Variants in TMEM68 observed in about 807,000 individuals in gnomAD.
TMEM68 encodes the protein transmembrane protein 68.
TMEM68 carries 25 observed loss-of-function variants against 36.9 expected under a neutral mutation model. The ratio of observed to expected loss-of-function variants is 0.68; its 90% CI spans 0.49 to 0.95. The LOEUF (loss-of-function observed/expected upper bound fraction) is 0.95, where lower values mean the gene tolerates loss of function less well. TMEM68 is among the 40% of genes least tolerant of loss of function. The probability of loss-of-function intolerance (pLI) is 0.00; values close to 1 mark genes in which losing one functional copy is unlikely to be tolerated. For synonymous variants in TMEM68, 131 were observed against 124.4 expected (o/e 1.05, Z -0.35); for missense variants, 333 against 392.0 (o/e 0.85, Z 1.27).
chr8:55,764,415 T>C (rs1563438480), intron 1 of TMEM68, among the ~76,000 whole-genome samples: 1 of 152,248 alleles, frequency 6.6e-6, no homozygotes, highest in East Asian at 1.9e-4. Flanking sequence ...ACTTTGATTG[T>C]ATTCTTAGAA....
At chr8:55,743,306 G>A (rs1324722405) in intron 7 of TMEM68, among the ~76,000 whole-genome samples, 175 bp downstream of exon 7, 2 of 152,090 alleles carry the variant, frequency 1.3e-5, no homozygotes, top group Non-Finnish European at 2.9e-5. Context: ...CCTGCCTGTA[G>A]TGACAATAAG....
intron 1 of TMEM68, among the ~76,000 whole-genome samples, chr8:55,771,063 A>G (rs1811140363): frequency 6.6e-6 from 1 of 151,582 alleles, no homozygotes; most frequent in Non-Finnish European, 1.5e-5. Context: ...GCTGAGGCAG[A>G]AAATCGCTTG....
intron 1 of TMEM68, among the ~76,000 whole-genome samples, chr8:55,767,049 T>C (rs1389390200): frequency 6.9e-6 from 1 of 145,158 alleles, no homozygotes; most frequent in African/African-American, 2.6e-5. Context: ...TCTTCATTTG[T>C]AAAATAAAAA....
chr8:55,751,221 A>T (rs1195729171), intron 4 of TMEM68, 64 bp from the exon 5 acceptor site: 3 of 1,416,626 alleles, frequency 2.1e-6, no homozygotes, highest in Middle Eastern at 1.8e-4. Flanking sequence ...TCAAAAGAAA[A>T]ATCTTCACAA....
intron 7 of TMEM68, among the ~76,000 whole-genome samples, chr8:55,742,447 CATA>C (rs924551644): frequency 4.6e-5 from 7 of 151,900 alleles, no homozygotes; most frequent in African/African-American, 1.2e-4. Context: ...TATGTTTTAC[CATA>C]ATGTTTTTAC....
chr8:55,755,132 CTAAA>C (rs773379632), intron 4 of TMEM68, among the ~76,000 whole-genome samples: 1 of 150,510 alleles, frequency 6.6e-6, no homozygotes. Flanking sequence ...GACCCCATAT[CTAAA>C]TAAATAAACA....
intron 7 of TMEM68, among the ~76,000 whole-genome samples, chr8:55,740,963 G>C (rs765500779): frequency 6.6e-6 from 1 of 152,194 alleles, no homozygotes; most frequent in Non-Finnish European, 1.5e-5. Context: ...GCTGGGCGTG[G>C]TGGCTCACAC....
At chr8:55,746,568 T>C (rs1243228110) in intron 5 of TMEM68, 1 of 152,088 alleles carries the variant, frequency 6.6e-6, no homozygotes, top group Non-Finnish European at 1.5e-5. Context: ...TAAATGATGT[T>C]TCAGAATAGA....
At position 55,745,051 on chromosome 8, in the gene TMEM68, C is replaced by A; in HGVS notation, c.748+10G>T. 6.8e-7 allele frequency: 1 copy of A among 1,478,642 alleles called. No homozygotes were observed. Among genetic ancestry groups the A allele is most frequent in the Non-Finnish European group, 9.0e-7 (1 of 1,116,254 alleles). The allele number at this position is 1,478,642 out of a possible 1,614,324, so 91.6% of individuals were successfully genotyped here. ...CATTGTAATTTAAAACCATACAAATCAGAACTTACTTGTTCCTCCAAGTGA... is the reference window on the plus strand; with the variant it reads ...CATTGTAATTTAAAACCATACAAATAAGAACTTACTTGTTCCTCCAAGTGA... On this transcript the variant is annotated intron_variant, in intron 6 of 7. Transcript: ENST00000434581.
intron 1 of TMEM68, among the ~76,000 whole-genome samples, chr8:55,771,574 G>A (rs1332786597): frequency 2.0e-5 from 3 of 151,962 alleles, no homozygotes; most frequent in African/African-American, 4.8e-5. Context: ...CCGCGATCGC[G>A]CCACTACACT....
intron 4 of TMEM68, among the ~76,000 whole-genome samples, chr8:55,752,513 G>A (rs1011648864): frequency 1.3e-5 from 2 of 151,278 alleles, no homozygotes; most frequent in Non-Finnish European, 3.0e-5. Context: ...GCTTTAACCC[G>A]TGAGGCGGAG....
chr8:55,757,616 T>G (rs1427414715), intron 3 of TMEM68, among the ~76,000 whole-genome samples: 2 of 152,114 alleles, frequency 1.3e-5, no homozygotes, highest in African/African-American at 2.4e-5. Context: ...GAAAAGGGTA[T>G]ATGCAAAAGG....
chr8:55,762,596 CAT>C (rs763091385), intron 3 of TMEM68, 37 bp downstream of exon 3: 6 of 1,613,390 alleles, frequency 3.7e-6, no homozygotes, highest in Non-Finnish European at 3.4e-6. Flanking sequence ...ATGCAGCACA[CAT>C]GAATGGCAAC....
intron 1 of TMEM68, among the ~76,000 whole-genome samples, chr8:55,765,491 G>A (rs968427497): frequency 6.6e-6 from 1 of 152,140 alleles, no homozygotes; most frequent in Non-Finnish European, 1.5e-5. Flanking sequence ...AGATTACTGT[G>A]ATTACATGGG....
At chr8:55,760,466 A>G (rs1245644938) in intron 3 of TMEM68, among the ~76,000 whole-genome samples, 1 of 152,242 alleles carries the variant, frequency 6.6e-6, no homozygotes, top group Non-Finnish European at 1.5e-5. Flanking sequence ...ATAGGAAAGG[A>G]AAGTAAGTTC....
At chr8:55,759,014 A>T (rs1810692032) in intron 3 of TMEM68, among the ~76,000 whole-genome samples, 1 of 152,230 alleles carries the variant, frequency 6.6e-6, no homozygotes, top group Non-Finnish European at 1.5e-5. Context: ...ACTGAGGTTA[A>T]GTATGAGAAC....
intron 3 of TMEM68, among the ~76,000 whole-genome samples, chr8:55,758,188 A>G (rs1188507373): frequency 2.0e-5 from 3 of 152,222 alleles, no homozygotes; most frequent in Non-Finnish European, 4.4e-5. Context: ...TATGCACAAG[A>G]TAACAGTAGG....
chr8:55,754,053 T>C (rs1480820606), intron 4 of TMEM68, among the ~76,000 whole-genome samples: 6 of 151,882 alleles, frequency 4.0e-5, no homozygotes, highest in African/African-American at 1.2e-4. Context: ...GATCGCACCA[T>C]TGCACTCCAG....
At chr8:55,761,688 A>C (rs555830069) in intron 3 of TMEM68, 3 of 152,226 alleles carry the variant, frequency 2.0e-5, no homozygotes, top group Non-Finnish European at 4.4e-5. Context: ...GCTCAAAAAA[A>C]ATTTGTAGGT....
Sources: gnomAD v4.1 joint callset for allele counts (sites outside exome capture counted in the v4.1 genomes callset) on GRCh38, gnomAD v4.1.1 for gene constraint, MANE v1.5 for transcripts, NCBI Gene and HGNC (gene_info 2026-07-23, HGNC 2026-07-21) for gene names.